NXPE2: variants seen among roughly 807,000 people sequenced by gnomAD.
NXPE2 encodes NXPE family member 2.
Under a neutral mutation model 34.4 loss-of-function variants are expected in NXPE2, and 34 were observed. That is an observed-to-expected ratio of 0.99 (90% CI 0.75 to 1.31). NXPE2 has a LOEUF of 1.31. Ranked by LOEUF, NXPE2 falls within the 40% of genes most tolerant of loss-of-function variation. The pLI is 0.00. For missense variants in NXPE2, 649 were observed against 672.5 expected (o/e 0.97, Z 0.39); for synonymous variants, 235 against 231.3 (o/e 1.02, Z -0.15).
chr11:114,487,991 T>G, the NXPE2 span, among the ~76,000 whole-genome samples: 1 of 152,148 alleles, frequency 6.6e-6, no homozygotes, highest in Non-Finnish European at 1.5e-5. Context: ...ATGATCTGGT[T>G]TTGGTGTCAG....
At chr11:114,800,880 C>A in the NXPE2 span, among the ~76,000 whole-genome samples, 2 of 152,170 alleles carry the variant, frequency 1.3e-5, no homozygotes, top group Non-Finnish European at 2.9e-5. Flanking sequence ...AAACAAGTAT[C>A]ATTGTTGCTG....
the NXPE2 span, among the ~76,000 whole-genome samples, chr11:114,786,367 C>CCG: frequency 2.3e-5 from 3 of 132,546 alleles, no homozygotes; most frequent in Non-Finnish European, 4.8e-5. Flanking sequence ...CCCCGCCCCC[C>CCG]GCCCCACCCC....
chr11:114,526,306 T>C, the NXPE2 span, among the ~76,000 whole-genome samples: 1 of 152,210 alleles, frequency 6.6e-6, no homozygotes, highest in African/African-American at 2.4e-5. Context: ...TTAAAGCCAC[T>C]TTATTATAGC....
At chr11:114,688,874 T>A (rs1215435883) in intron 2 of NXPE2, among the ~76,000 whole-genome samples, 1 of 152,150 alleles carries the variant, frequency 6.6e-6, no homozygotes, top group African/African-American at 2.4e-5. Context: ...TTCTAGTTTG[T>A]TTACATAGAA....
the NXPE2 span, among the ~76,000 whole-genome samples, chr11:114,477,040 C>G: frequency 6.6e-6 from 1 of 152,092 alleles, no homozygotes; most frequent in Non-Finnish European, 1.5e-5. Flanking sequence ...TGTGATAGCC[C>G]TAAACTAGAA....
the NXPE2 span, among the ~76,000 whole-genome samples, chr11:114,578,999 T>C: frequency 6.6e-6 from 1 of 152,232 alleles, no homozygotes; most frequent in East Asian, 1.9e-4. Context: ...TTAGTCTGTT[T>C]GCATTGCTAT....
the NXPE2 span, among the ~76,000 whole-genome samples, chr11:114,568,374 G>A: frequency 6.6e-6 from 1 of 152,048 alleles, no homozygotes; most frequent in African/African-American, 2.4e-5. Flanking sequence ...AAGAAAGCAG[G>A]TGCTGTTCTA....
chr11:114,640,755 T>C, the NXPE2 span, among the ~76,000 whole-genome samples: 8 of 152,020 alleles, frequency 5.3e-5, no homozygotes, highest in Non-Finnish European at 8.8e-5. Flanking sequence ...TATGTCTTCT[T>C]TTGAAAAATG....
chr11:114,807,592 A>T, the NXPE2 span, among the ~76,000 whole-genome samples: 2 of 151,628 alleles, frequency 1.3e-5, no homozygotes, highest in African/African-American at 4.8e-5. Context: ...AAAGAGACAA[A>T]GAAGGCCATT....
chr11:114,680,544 C>G (rs570940385), intron 2 of NXPE2, among the ~76,000 whole-genome samples: 110 of 152,234 alleles, frequency 7.2e-4, no homozygotes, highest in African/African-American at 2.6e-3. Flanking sequence ...ATTTCTTCCT[C>G]TGATCCTCTT....
At chr11:114,619,987 A>T in the NXPE2 span, among the ~76,000 whole-genome samples, 4 of 151,788 alleles carry the variant, frequency 2.6e-5, no homozygotes, top group African/African-American at 9.7e-5. Context: ...TACCTGGTGG[A>T]TAGTTAGTAT....
the NXPE2 span, among the ~76,000 whole-genome samples, chr11:114,495,787 G>C: frequency 6.6e-6 from 1 of 152,138 alleles, no homozygotes; most frequent in Admixed American, 6.5e-5. Context: ...TATTCCCCAG[G>C]GTGTGTTTAG....
At chr11:114,554,722 G>A in the NXPE2 span, among the ~76,000 whole-genome samples, 223 of 152,242 alleles carry the variant, frequency 1.5e-3, 1 homozygote, top group African/African-American at 4.5e-3. Flanking sequence ...ACTTCAAGTC[G>A]CTAAGCCACA....
chr11:114,573,866 C>G, the NXPE2 span, among the ~76,000 whole-genome samples: 12 of 152,010 alleles, frequency 7.9e-5, no homozygotes, highest in Non-Finnish European at 1.6e-4. Flanking sequence ...ATGAACTTAA[C>G]AGATATTTAC....
the NXPE2 span, among the ~76,000 whole-genome samples, chr11:114,534,104 A>G: frequency 2.0e-5 from 3 of 152,216 alleles, no homozygotes; most frequent in African/African-American, 7.2e-5. Flanking sequence ...AGGAACGATC[A>G]GGCAGCAGCA....
chr11:114,806,530 C>A, the NXPE2 span, among the ~76,000 whole-genome samples: 3 of 152,204 alleles, frequency 2.0e-5, no homozygotes, highest in Non-Finnish European at 4.4e-5. Context: ...AACCAAGGCA[C>A]GAGAGCTACA....
chr11:114,589,141 AG>A, the NXPE2 span, among the ~76,000 whole-genome samples: 2 of 152,106 alleles, frequency 1.3e-5, no homozygotes, highest in Non-Finnish European at 2.9e-5. Flanking sequence ...GGAAGCAAGA[AG>A]AAGCCACCTC....
At chr11:114,539,388 C>G in the NXPE2 span, among the ~76,000 whole-genome samples, 1 of 151,868 alleles carries the variant, frequency 6.6e-6, no homozygotes, top group African/African-American at 2.4e-5. Flanking sequence ...ACATATGTAA[C>G]AAACCTGCAC....
intron 2 of NXPE2, 32 bp downstream of exon 2, chr11:114,679,794 A>G: frequency 7.4e-7 from 1 of 1,348,444 alleles, no homozygotes; most frequent in Non-Finnish European, 1.0e-6. Context: ...AATTTCACAG[A>G]AGGTCACGGT....
Sources: gnomAD v4.1 joint callset for allele counts (sites outside exome capture counted in the v4.1 genomes callset) on GRCh38, gnomAD v4.1.1 for gene constraint, MANE v1.5 for transcripts, NCBI Gene and HGNC (gene_info 2026-07-23, HGNC 2026-07-21) for gene names.